The following OR2F2 variants were observed in gnomAD, a reference collection of about 807,000 sequenced individuals.
OR2F2 encodes the protein olfactory receptor family 2 subfamily F member 2, also known as olfactory receptor 2F2.
For missense variants in OR2F2, 375 were observed against 380.2 expected (o/e 0.99, Z 0.11); for synonymous variants, 161 against 159.0 (o/e 1.01, Z -0.09).
At position 143,935,263 on chromosome 7, in the gene OR2F2, G is replaced by T. The variant is rs1814805081; in HGVS notation, c.31G>T (p.Glu11Ter). The T allele has an allele frequency of 1.9e-6, 3 of 1,613,628 alleles. No homozygotes were observed. The highest frequency in any genetic ancestry group is 2.5e-6 in the Non-Finnish European group (3 of 1,179,660). The change falls in exon 1 of 1, where the codon GAA becomes TAA. Residue 11 changes from glutamate to a stop codon, truncating the protein, a stop_gained. Transcript: ENST00000408955. LOFTEE classifies it low-confidence loss of function (END_TRUNC). ...AATAGATAACCAGACGTGGGTGAGAGAATTTATTCTCCTTGGCTTATCCAG... is the reference window on the plus strand; with the variant it reads ...AATAGATAACCAGACGTGGGTGAGATAATTTATTCTCCTTGGCTTATCCAG... MEIDNQTWVR[E>*]FILLGLSSDW...
chr7:143,935,597 G>A lies in OR2F2; in HGVS notation c.365G>A (p.Arg122His), dbSNP rs773175092. ...FVLLAVMAYD[R>H]HVAVSDRLRY... is the part of the protein sequence containing the mutation. Reference sequence around the variant, plus strand: ...CTCCTGGCAGTGATGGCCTATGACCGCCATGTGGCTGTGTCTGACCGCCTG... The same window carrying A: ...CTCCTGGCAGTGATGGCCTATGACCACCATGTGGCTGTGTCTGACCGCCTG... Residue 122 changes from arginine to histidine, a missense_variant, in exon 1 of 1, where the codon CGC becomes CAC. By Grantham distance (29) the Arg-to-His change is conservative. Transcript: ENST00000408955. The A allele has an allele frequency of 1.1e-5, 17 of 1,614,070 alleles. No individual in the cohort carries two copies. The highest frequency in any genetic ancestry group is 8.3e-5 in the Admixed American group (5 of 60,010).
In OR2F2 at chr7:143,935,890, C is replaced by T. The variant is rs61746066; in HGVS notation, c.658C>T (p.Arg220Trp). The T allele has an allele frequency of 5.0e-4, 809 of 1,614,106 alleles. 7 individuals are homozygous for T. The African/African-American group carries it at 5.4e-3, about 11-fold the overall frequency. ...PFCLVLLSYI[R>W]IISTILKIQS... The stretch of plus-strand genomic sequence containing the variant: ...CTGCCTGGTTCTGTTGTCCTACATC[C>T]GGATCATCTCCACCATCCTAAAGAT... Residue 220 changes from arginine to tryptophan, a missense_variant, in exon 1 of 1, where the codon CGG becomes TGG. Physicochemically the swap from Arg to Trp is moderately radical, Grantham distance 101. Coordinates refer to ENST00000408955, the MANE Select transcript of OR2F2 (RefSeq NM_001004685.1).
At position 143,935,607 on chromosome 7, in the gene OR2F2, T is replaced by G; in HGVS notation, c.375T>G (p.Ala125=). 1 of 1,614,232 alleles carries G rather than the reference T, an allele frequency of 6.2e-7. No individual in the cohort carries two copies. Among genetic ancestry groups the G allele is most frequent in the Non-Finnish European group, 8.5e-7 (1 of 1,180,042 alleles). The change falls in exon 1 of 1, where the codon GCT becomes GCG. Residue 125 remains alanine (A), a synonymous_variant. Coordinates refer to ENST00000408955, the MANE Select transcript of OR2F2 (RefSeq NM_001004685.1). ...LAVMAYDRHV[A]VSDRLRYSAI... ...TGATGGCCTATGACCGCCATGTGGC[T>G]GTGTCTGACCGCCTGCGATACTCGG...
chr7:143,935,816 A>C lies in OR2F2; in HGVS notation c.584A>C (p.Asn195Thr), dbSNP rs550553746. ...CTGGCTTGTGTGGACACCTCCTCCAATGAGGCTGCCATCATGGTGTCTAGC... is the reference window on the plus strand; with the variant it reads ...CTGGCTTGTGTGGACACCTCCTCCACTGAGGCTGCCATCATGGTGTCTAGC... ...VRLACVDTSS[N>T]EAAIMVSSIV... Residue 195 changes from asparagine to threonine, a missense_variant, in exon 1 of 1, where the codon AAT becomes ACT. Asn to Thr is a moderately conservative substitution (Grantham distance 65, BLOSUM62 0). Coordinates refer to ENST00000408955, the MANE Select transcript of OR2F2 (RefSeq NM_001004685.1). 6 of 1,614,076 alleles carry C rather than the reference A, an allele frequency of 3.7e-6. No individual in the cohort carries two copies. The East Asian group carries it at 1.1e-4, about 30-fold the overall frequency.
chr7:143,935,428 C>A lies in OR2F2; in HGVS notation c.196C>A (p.Leu66Ile). The A allele has an allele frequency of 6.2e-7, 1 of 1,614,218 alleles. No homozygotes were observed. Among genetic ancestry groups the A allele is most frequent in the Non-Finnish European group, 8.5e-7 (1 of 1,180,038 alleles). Residue 66 changes from leucine to isoleucine, a missense_variant, in exon 1 of 1, where the codon CTC becomes ATC. Leu to Ile is a conservative substitution (Grantham distance 5, BLOSUM62 2). Transcript: ENST00000408955. Reference sequence around the variant, plus strand: ...TCCCATGTATTTCTTTCTCACCAACCTCTCCCTTGTCGATGTCTCCTATGC... The same window carrying A: ...TCCCATGTATTTCTTTCTCACCAACATCTCCCTTGTCGATGTCTCCTATGC... ...HTPMYFFLTNLSLVDVSYATS... is the reference protein window; with the variant it reads ...HTPMYFFLTNISLVDVSYATS...
chr7:143,935,958 C>T lies in OR2F2; in HGVS notation c.726C>T (p.Ala242=), dbSNP rs929690509. Reference sequence around the variant, plus strand: ...GAAAGAAAGCCTTCCACACGTGTGCCTCTCACCTCACGGTGGTTGCCCTGT... The same window carrying T: ...GAAAGAAAGCCTTCCACACGTGTGCTTCTCACCTCACGGTGGTTGCCCTGT... ...EGRKKAFHTC[A]SHLTVVALCY... Residue 242 remains alanine, a synonymous_variant, in exon 1 of 1, where the codon GCC becomes GCT. Coordinates refer to ENST00000408955, the MANE Select transcript of OR2F2 (RefSeq NM_001004685.1). 3 of 1,613,998 alleles carry T rather than the reference C, an allele frequency of 1.9e-6. No homozygotes were observed. The highest frequency in any genetic ancestry group is 1.3e-5 in the African/African-American group (1 of 74,924).
chr7:143,935,655 TGCTAGGTTG>T lies in OR2F2; in HGVS notation c.426_434del (p.Arg143_Ala145del). ...CGGCCATCATGCATGGAGGGCTGTG[TGCTAGGTTG>T]GCCATCACATCCTGGGTCAGTGGCT... On this transcript the variant is annotated inframe_deletion, in exon 1 of 1. Coordinates refer to ENST00000408955, the MANE Select transcript of OR2F2 (RefSeq NM_001004685.1). 6.2e-7 allele frequency: 1 copy of T among 1,614,246 alleles called. No individual in the cohort carries two copies. Among genetic ancestry groups the T allele is most frequent in the Non-Finnish European group, 8.5e-7 (1 of 1,180,042 alleles).
Position 143,935,511 on chromosome 7 carries a change from A to G in OR2F2, c.279A>G (p.Pro93=). The change falls in exon 1 of 1, where the codon CCA becomes CCG. Residue 93 remains proline, a synonymous_variant. Transcript: ENST00000408955. ...TTCTTGCAGAACATAAAGCCATCCCATTCCAGAGCTGTGCAGCCCAGTTAT... is the reference window on the plus strand; with the variant it reads ...TTCTTGCAGAACATAAAGCCATCCCGTTCCAGAGCTGTGCAGCCCAGTTAT... ...AHFLAEHKAI[P]FQSCAAQLFF... 6.2e-7 allele frequency: 1 copy of G among 1,614,188 alleles called. No individual in the cohort carries two copies. Among genetic ancestry groups the G allele is most frequent in the Non-Finnish European group, 8.5e-7 (1 of 1,180,034 alleles).
At position 143,935,930 on chromosome 7, in the gene OR2F2, G is replaced by A. The variant is rs199756492; in HGVS notation, c.698G>A (p.Gly233Glu). Reference protein sequence around the residue: ...STILKIQSREGRKKAFHTCAS... With the variant: ...STILKIQSREERKKAFHTCAS... ...ATCCTAAAGATCCAGTCCAGAGAAGGAAGAAAGAAAGCCTTCCACACGTGT... is the reference window on the plus strand; with the variant it reads ...ATCCTAAAGATCCAGTCCAGAGAAGAAAGAAAGAAAGCCTTCCACACGTGT... The change falls in exon 1 of 1, where the codon GGA (glycine) becomes GAA (glutamate). Residue 233 changes from glycine to glutamate, a missense_variant. Coordinates refer to ENST00000408955, the MANE Select transcript of OR2F2 (RefSeq NM_001004685.1). 7.1e-5 allele frequency: 115 copies of A among 1,614,044 alleles called. No individual in the cohort carries two copies. The highest frequency in any genetic ancestry group is 3.3e-4 in the Admixed American group (20 of 60,010).
chr7:143,935,575 C>T lies in OR2F2; in HGVS notation c.343C>T (p.Leu115=), dbSNP rs1274478980. ...LALGGIEFVL[L]AVMAYDRHVA... ...CTTGGGTGGGATTGAGTTTGTTCTCCTGGCAGTGATGGCCTATGACCGCCA... is the reference window on the plus strand; with the variant it reads ...CTTGGGTGGGATTGAGTTTGTTCTCTTGGCAGTGATGGCCTATGACCGCCA... The change falls in exon 1 of 1, where the codon CTG becomes TTG. Residue 115 remains leucine (L), a synonymous_variant. Coordinates refer to ENST00000408955, the MANE Select transcript of OR2F2 (RefSeq NM_001004685.1). 5.6e-6 allele frequency: 9 copies of T among 1,614,080 alleles called. No individual in the cohort carries two copies. The highest frequency in any genetic ancestry group is 6.8e-6 in the Non-Finnish European group (8 of 1,180,054).
Position 143,935,302 on chromosome 7 carries a change from C to G in OR2F2, c.70C>G (p.Gln24Glu), listed in dbSNP as rs781451267. Residue 24 changes from glutamine to glutamate, a missense_variant, in exon 1 of 1, where the codon CAG becomes GAG. Gln to Glu is a conservative substitution (Grantham distance 29). Transcript: ENST00000408955. ...LLGLSSDWCT[Q>E]ISLFSLFLVT... ...TGGCTTATCCAGTGACTGGTGCACT[C>G]AGATATCCCTGTTTTCCCTGTTCTT... The G allele has an allele frequency of 6.2e-7, 1 of 1,614,176 alleles. No individual in the cohort carries two copies. The highest frequency in any genetic ancestry group is 1.1e-5 in the South Asian group (1 of 91,078).
rs749919926 is a variant in OR2F2 at position 143,935,807 on chromosome 7, C to T, written c.575C>T (p.Thr192Ile). 1.1e-5 allele frequency: 17 copies of T among 1,614,240 alleles called. No homozygotes were observed. ...LAVVRLACVD[T>I]SSNEAAIMVS... is the part of the protein sequence containing the mutation. ...GTGGTCAGGCTGGCTTGTGTGGACA[C>T]CTCCTCCAATGAGGCTGCCATCATG... is the stretch of plus-strand genomic sequence containing the variant. The change falls in exon 1 of 1, where the codon ACC becomes ATC. Residue 192 changes from threonine to isoleucine, a missense_variant. Transcript: ENST00000408955.
In OR2F2 at chr7:143,936,183, T is replaced by C. The variant is rs929638248; in HGVS notation, c.951T>C (p.Thr317=). ...KFSGLTSKLG[T] is the part of the protein sequence containing the mutation. ...CTGGGTTAACATCCAAGCTGGGAAC[T>C]TGACTCATGAACATTACTTTAAGAA... Residue 317 remains threonine (T), a synonymous_variant, in exon 1 of 1, where the codon ACT becomes ACC. Transcript: ENST00000408955. 10 of 1,592,092 alleles carry C rather than the reference T, an allele frequency of 6.3e-6. No individual in the cohort carries two copies. The East Asian group carries it at 2.2e-4, about 36-fold the overall frequency.
In OR2F2 at chr7:143,936,113, A is replaced by G. The variant is rs1350499484; in HGVS notation, c.881A>G (p.Asn294Ser). ...LLNPVIYSLR[N>S]KEVKGAWHKL... The stretch of plus-strand genomic sequence containing the variant: ...AACCCTGTGATTTATAGTCTAAGGA[A>G]TAAAGAGGTGAAGGGGGCCTGGCAT... The change falls in exon 1 of 1, where the codon AAT becomes AGT. Residue 294 changes from asparagine (N) to serine (S), a missense_variant. By Grantham distance (46) the Asn-to-Ser change is conservative. Transcript: ENST00000408955. 1.9e-6 allele frequency: 3 copies of G among 1,614,052 alleles called. No individual in the cohort carries two copies. The highest frequency in any genetic ancestry group is 2.7e-5 in the African/African-American group (2 of 75,042).
rs780686423 is a variant in OR2F2 at position 143,935,630 on chromosome 7, C to T, written c.398C>T (p.Ser133Leu). The change falls in exon 1 of 1, where the codon TCG (serine) becomes TTG (leucine). Residue 133 changes from serine to leucine, a missense_variant. Physicochemically the swap from Ser to Leu is moderately radical, Grantham distance 145 (BLOSUM62 -2). Coordinates refer to ENST00000408955, the MANE Select transcript of OR2F2 (RefSeq NM_001004685.1). Reference sequence around the variant, plus strand: ...GCTGTGTCTGACCGCCTGCGATACTCGGCCATCATGCATGGAGGGCTGTGT... The same window carrying T: ...GCTGTGTCTGACCGCCTGCGATACTTGGCCATCATGCATGGAGGGCTGTGT... Reference protein sequence around the residue: ...HVAVSDRLRYSAIMHGGLCAR... With the variant: ...HVAVSDRLRYLAIMHGGLCAR... 19 of 1,614,222 alleles carry T rather than the reference C, an allele frequency of 1.2e-5. No individual in the cohort carries two copies. Among genetic ancestry groups the T allele is most frequent in the Middle Eastern group, 1.6e-4 (1 of 6,062 alleles).
At position 143,935,865 on chromosome 7, in the gene OR2F2, C is replaced by T; in HGVS notation, c.633C>T (p.Phe211=). ...GCATTGTTCTTCTGATGACACCTTT[C>T]TGCCTGGTTCTGTTGTCCTACATCC... ...VSSIVLLMTP[F]CLVLLSYIRI... is the part of the protein sequence containing the mutation. The change falls in exon 1 of 1, where the codon TTC becomes TTT. Residue 211 remains phenylalanine (F), a synonymous_variant. Transcript: ENST00000408955. 6.2e-7 allele frequency: 1 copy of T among 1,614,214 alleles called. No homozygotes were observed. Among genetic ancestry groups the T allele is most frequent in the African/African-American group, 1.3e-5 (1 of 75,066 alleles).
At position 143,935,875 on chromosome 7, in the gene OR2F2, C is replaced by G. The variant is rs568872322; in HGVS notation, c.643C>G (p.Leu215Val). 1 of 1,614,206 alleles carries G rather than the reference C, an allele frequency of 6.2e-7. No homozygotes were observed. The highest frequency in any genetic ancestry group is 8.5e-7 in the Non-Finnish European group (1 of 1,180,038). Reference protein sequence around the residue: ...VLLMTPFCLVLLSYIRIISTI... With the variant: ...VLLMTPFCLVVLSYIRIISTI... ...TCTGATGACACCTTTCTGCCTGGTT[C>G]TGTTGTCCTACATCCGGATCATCTC... Residue 215 changes from leucine to valine, a missense_variant, in exon 1 of 1, where the codon CTG becomes GTG. Transcript: ENST00000408955.
Position 143,935,827 on chromosome 7 carries a change from A to G in OR2F2, c.595A>G (p.Ile199Val), listed in dbSNP as rs745940267. Residue 199 changes from isoleucine to valine, a missense_variant, in exon 1 of 1, where the codon ATC (isoleucine) becomes GTC (valine). Ile to Val is a conservative substitution (Grantham distance 29). Coordinates refer to ENST00000408955, the MANE Select transcript of OR2F2 (RefSeq NM_001004685.1). ...CVDTSSNEAA[I>V]MVSSIVLLMT... The stretch of plus-strand genomic sequence containing the variant: ...GGACACCTCCTCCAATGAGGCTGCC[A>G]TCATGGTGTCTAGCATTGTTCTTCT... 43 of 1,614,256 alleles carry G rather than the reference A, an allele frequency of 2.7e-5. No homozygotes were observed. The highest frequency in any genetic ancestry group is 3.6e-5 in the Non-Finnish European group (42 of 1,180,040).
In OR2F2 at chr7:143,935,949, C is replaced by T; in HGVS notation, c.717C>T (p.His239=). Residue 239 remains histidine, a synonymous_variant, in exon 1 of 1, where the codon CAC becomes CAT. Transcript: ENST00000408955. ...QSREGRKKAF[H]TCASHLTVVA... ...GAGAAGGAAGAAAGAAAGCCTTCCA[C>T]ACGTGTGCCTCTCACCTCACGGTGG... The T allele has an allele frequency of 6.2e-7, 1 of 1,614,156 alleles. No individual in the cohort carries two copies. Among genetic ancestry groups the T allele is most frequent in the Non-Finnish European group, 8.5e-7 (1 of 1,180,036 alleles).
Sources: gnomAD v4.1 joint callset for allele counts on GRCh38, gnomAD v4.1.1 for gene constraint, MANE v1.5 for transcripts, NCBI Gene and HGNC (gene_info 2026-07-23, HGNC 2026-07-21) for gene names.